The following ITPR1 variants were observed in gnomAD, a reference collection of about 807,000 sequenced individuals.
ITPR1 encodes the protein inositol 1,4,5-trisphosphate receptor type 1.
In ITPR1, 96 loss-of-function variants were observed where a neutral mutation model predicts 318.4. That is an observed-to-expected ratio of 0.30 (90% CI 0.26 to 0.36). ITPR1 has a LOEUF of 0.36. ITPR1 is among the 10% of genes least tolerant of loss of function. The pLI, the probability that ITPR1 is intolerant of heterozygous loss-of-function variation, is 1.00. For missense variants in ITPR1, 2,440 were observed against 3,460.2 expected (o/e 0.71, Z 7.40); for synonymous variants, 1,312 against 1,289.9 (o/e 1.02, Z -0.37).
chr3:4,813,610 G>C (rs559146819), intron 57 of ITPR1, among the ~76,000 whole-genome samples: 1 of 152,156 alleles, frequency 6.6e-6, no homozygotes, highest in Non-Finnish European at 1.5e-5. Context: ...GTATCATCAA[G>C]AAAGTGATAT....
intron 4 of ITPR1, among the ~76,000 whole-genome samples, chr3:4,538,369 AT>A (rs2084075475): frequency 6.6e-6 from 1 of 152,214 alleles, no homozygotes; most frequent in East Asian, 1.9e-4. Context: ...GCCAGTCAGA[AT>A]GGTAATTATT....
rs184565907 is a variant in ITPR1 at position 4,508,138 on chromosome 3, A to C, written c.-16-8338A>C. 4.0e-3 allele frequency among the ~76,000 whole-genome samples: 604 copies of C among 152,272 alleles called. 5 individuals are homozygous for C. The highest frequency in any genetic ancestry group is 0.014 in the African/African-American group (566 of 41,538). On this transcript the variant is annotated intron_variant, in intron 2 of 61. Transcript: ENST00000649015. ...CTCATGCTCAGAAGGGTTTCATTTA[A>C]GGTCAGACTGTCAGTGGGACTACCC...
intron 44 of ITPR1, among the ~76,000 whole-genome samples, chr3:4,757,410 T>C (rs2322831): frequency 0.92 from 139,751 of 152,190 alleles, 64,570 homozygotes; most frequent in Middle Eastern, 0.99. Context: ...GTGTACCTTC[T>C]GCCACTATTC....
intron 42 of ITPR1, among the ~76,000 whole-genome samples, chr3:4,732,038 C>T (rs977627835): frequency 6.6e-6 from 1 of 152,068 alleles, no homozygotes; most frequent in Non-Finnish European, 1.5e-5. Context: ...ACTTTGATTC[C>T]GGAAAGGAGT....
At chr3:4,547,130 A>G (rs2085101036) in intron 4 of ITPR1, among the ~76,000 whole-genome samples, 1 of 152,236 alleles carries the variant, frequency 6.6e-6, no homozygotes, top group Non-Finnish European at 1.5e-5. Context: ...GGCATGATTT[A>G]TAGTACGGTT....
At chr3:4,635,567 G>C (rs879911932) in intron 5 of ITPR1, among the ~76,000 whole-genome samples, 1 of 151,524 alleles carries the variant, frequency 6.6e-6, no homozygotes, top group Admixed American at 6.6e-5. Flanking sequence ...GGATGGTCTC[G>C]ATCTCCTGAC....
At chr3:4,645,846 A>T in intron 10 of ITPR1, 118 bp downstream of exon 10, 1 of 865,620 alleles carries the variant, frequency 1.2e-6, no homozygotes, top group Non-Finnish European at 1.8e-6. Flanking sequence ...GTGTCTATAC[A>T]CCCACATACA....
chr3:4,592,381 G>T (rs1414201108), intron 4 of ITPR1, among the ~76,000 whole-genome samples: 1 of 152,186 alleles, frequency 6.6e-6, no homozygotes, highest in Non-Finnish European at 1.5e-5. Flanking sequence ...TGCTCATGAA[G>T]TATAAAATAT....
chr3:4,753,363 A>C (rs2044696837), intron 44 of ITPR1, among the ~76,000 whole-genome samples: 1 of 152,062 alleles, frequency 6.6e-6, no homozygotes, highest in Admixed American at 6.6e-5. Context: ...GCCGCCGCCA[A>C]AGCCCTAATA....
chr3:4,762,823 C>T (rs2045545844), intron 44 of ITPR1, among the ~76,000 whole-genome samples: 1 of 152,226 alleles, frequency 6.6e-6, no homozygotes, highest in Non-Finnish European at 1.5e-5. Context: ...TTTGACCCAG[C>T]AATCCCATTG....
chr3:4,824,585 G>A (rs1443943560), intron 60 of ITPR1, among the ~76,000 whole-genome samples: 1 of 152,086 alleles, frequency 6.6e-6, no homozygotes, highest in African/African-American at 2.4e-5. Flanking sequence ...TCTTAGACTT[G>A]GACTGGCTCA....
intron 41 of ITPR1, among the ~76,000 whole-genome samples, 155 bp downstream of exon 41, chr3:4,725,736 C>G (rs1362075535): frequency 6.6e-6 from 1 of 152,162 alleles, no homozygotes; most frequent in Non-Finnish European, 1.5e-5. Flanking sequence ...CAGATCATTG[C>G]TGACGTGGAT....
At chr3:4,759,311 G>A (rs1181016408) in intron 44 of ITPR1, among the ~76,000 whole-genome samples, 2 of 152,198 alleles carry the variant, frequency 1.3e-5, no homozygotes, top group African/African-American at 4.8e-5. Context: ...AGGTAGTTTT[G>A]TTATTCTTTT....
At chr3:4,743,747 G>A (rs12496244) in intron 44 of ITPR1, among the ~76,000 whole-genome samples, 35,932 of 152,130 alleles carry the variant, frequency 0.24, 4,409 homozygotes, top group Non-Finnish European at 0.27. Context: ...GAGGGGGAAG[G>A]GGGAGGGGAA....
At chr3:4,824,704 C>T (rs772927830) in intron 60 of ITPR1, among the ~76,000 whole-genome samples, 12 of 151,998 alleles carry the variant, frequency 7.9e-5, no homozygotes, top group Non-Finnish European at 1.3e-4. Context: ...GAGGATCTCC[C>T]GGGGATACTG....
At position 4,536,640 on chromosome 3, in the gene ITPR1, A is replaced by G. The variant is rs78358386; in HGVS notation, c.163+15546A>G. The stretch of plus-strand genomic sequence containing the variant: ...TCCCAGATGAGCTTTTAGTCCCCTG[A>G]TGTTCATTGTTTTTATCTATGCCAT... On this transcript the variant is annotated intron_variant, in intron 4 of 61. Transcript: ENST00000649015. Among the ~76,000 whole-genome samples, 1,390 of 152,262 alleles carry G rather than the reference A, an allele frequency of 9.1e-3. 25 individuals are homozygous for G. The highest frequency in any genetic ancestry group is 0.032 in the African/African-American group (1,316 of 41,540).
chr3:4,710,390 G>C lies in ITPR1; in HGVS notation c.4908G>C (p.Val1636=). 1 of 1,564,594 alleles carries C rather than the reference G, an allele frequency of 6.4e-7. No individual in the cohort carries two copies. The highest frequency in any genetic ancestry group is 8.7e-7 in the Non-Finnish European group (1 of 1,153,638). The change falls in exon 38 of 62, where the codon GTG becomes GTC. Residue 1636 remains valine (V), a synonymous_variant. Coordinates refer to ENST00000649015, the MANE Select transcript of ITPR1 (RefSeq NM_001378452.1). The surrounding 1 kb of genome is among the most constrained non-coding windows in gnomAD (Gnocchi z 4.2). The part of the protein sequence containing the change: ...PLVQAELSVL[V]DVLHRPELLF... ...TGCAGGCAGAGTTATCTGTGCTCGT[G>C]GATGTTCTCCACAGACCCGAGCTGC...
At chr3:4,834,942 G>C (rs776827824) in intron 60 of ITPR1, among the ~76,000 whole-genome samples, 1 of 152,194 alleles carries the variant, frequency 6.6e-6, no homozygotes, top group Non-Finnish European at 1.5e-5. Flanking sequence ...ACGATAAGCA[G>C]CTCAGGCTTA....
rs1553697090 is a variant in ITPR1, at chr3:4,693,511, G to A, written c.4051G>A (p.Val1351Ile). Residue 1351 changes from valine (V) to isoleucine (I), a missense_variant, in exon 33 of 62, where the codon GTC (valine) becomes ATC (isoleucine). Transcript: ENST00000649015. Reference sequence around the variant, plus strand: ...GTAGCTGGTCAATTCGGGAGAGGATGTCCTCGTGTTCTACAACGACAGAGC... The same window carrying A: ...GTAGCTGGTCAATTCGGGAGAGGATATCCTCGTGTTCTACAACGACAGAGC... ...MAELVNSGED[V>I]LVFYNDRASF... The A allele has an allele frequency of 6.2e-7, 1 of 1,613,864 alleles. No homozygotes were observed. Among genetic ancestry groups the A allele is most frequent in the Non-Finnish European group, 8.5e-7 (1 of 1,179,870 alleles).
Sources: gnomAD v4.1 joint callset for allele counts (sites outside exome capture counted in the v4.1 genomes callset) on GRCh38, gnomAD v4.1.1 for gene constraint, Gnocchi (gnomAD v3.1) non-coding constraint, MANE v1.5 for transcripts, NCBI Gene and HGNC (gene_info 2026-07-23, HGNC 2026-07-21) for gene names.